GAS2: variants seen among roughly 807,000 people sequenced by gnomAD.
GAS2 encodes the protein growth arrest specific 2, also known as growth arrest-specific protein 2.
Under a neutral mutation model 37.5 loss-of-function variants are expected in GAS2, and 20 were observed. The ratio of observed to expected loss-of-function variants is 0.53; its 90% CI spans 0.37 to 0.77. GAS2 has a LOEUF of 0.77. Among genes scored for constraint, GAS2 ranks in the 30% least tolerant of loss-of-function variants. The pLI is 0.00. For missense variants in GAS2, 336 were observed against 373.4 expected, an observed-to-expected ratio of 0.90 and a Z score of 0.82; for synonymous variants, 144 against 132.2, an observed-to-expected ratio of 1.09 and a Z score of -0.61.
At chr11:22,666,322 G>A (rs1590589405), upstream of GAS2, among the ~76,000 whole-genome samples, 1 of 152,328 alleles carries the variant, frequency 6.6e-6, no homozygotes, top group East Asian at 1.9e-4. Context: ...GAAGTTACTG[G>A]AAAGCTCGTG....
intron 1 of GAS2, among the ~76,000 whole-genome samples, chr11:22,653,186 G>A (rs545571689): frequency 6.7e-6 from 1 of 149,230 alleles, no homozygotes; most frequent in South Asian, 2.1e-4. Flanking sequence ...ACACTCATTT[G>A]CTTCTATATA....
intron 4 of GAS2, among the ~76,000 whole-genome samples, chr11:22,729,408 G>T (rs1029584238): frequency 6.6e-6 from 1 of 151,890 alleles, no homozygotes; most frequent in African/African-American, 2.4e-5. Context: ...ATGAACTGGG[G>T]AGAAGGGAGA....
chr11:22,680,391 A>G (rs1849621986), intron 2 of GAS2, among the ~76,000 whole-genome samples: 1 of 152,138 alleles, frequency 6.6e-6, no homozygotes, highest in South Asian at 2.1e-4. Flanking sequence ...GGGATTTTGC[A>G]TATAATGAAC....
chr11:22,718,839 T>C (rs962400382), intron 3 of GAS2, among the ~76,000 whole-genome samples: 1 of 151,848 alleles, frequency 6.6e-6, no homozygotes, highest in Non-Finnish European at 1.5e-5. Flanking sequence ...AAACGATTAG[T>C]TGGGAGAAAA....
intron 7 of GAS2, among the ~76,000 whole-genome samples, chr11:22,796,906 C>T (rs1856452691): frequency 6.6e-6 from 1 of 152,098 alleles, no homozygotes. Context: ...CCCAGCTTCC[C>T]TTCCTAAATA....
chr11:22,652,793 G>A lies in GAS2; in HGVS notation c.-20-22057G>A, dbSNP rs184875399. On this transcript the variant is annotated intron_variant, in intron 1 of 5. Coordinates refer to the GAS2 transcript ENST00000528582. ...CCCTGCTTCGGCTCGCACACGGTGC[G>A]CGCACCCACTGACCTGCACCCACTG... Among the ~76,000 whole-genome samples, 468 of 152,250 alleles carry A rather than the reference G, an allele frequency of 3.1e-3. 4 individuals carry two copies. The highest frequency in any genetic ancestry group is 0.011 in the African/African-American group (444 of 41,550).
chr11:22,754,179 A>T (rs552942353), intron 6 of GAS2, among the ~76,000 whole-genome samples: 31 of 152,174 alleles, frequency 2.0e-4, no homozygotes, highest in African/African-American at 7.2e-4. Flanking sequence ...CTTTGAATCC[A>T]TGATTATTTT....
intron 3 of GAS2, among the ~76,000 whole-genome samples, chr11:22,711,669 T>G (rs1851412920): frequency 6.6e-6 from 1 of 152,170 alleles, no homozygotes; most frequent in African/African-American, 2.4e-5. Context: ...TCTGGAAGCA[T>G]GGTGGGAGTG....
chr11:22,683,715 A>C lies in GAS2; in HGVS notation c.146-1953A>C, dbSNP rs563385486. On this transcript the variant is annotated intron_variant, in intron 2 of 7. Transcript: ENST00000454584. ...AACTGTGTTTCACAAAAATAATATTAATGTTTTCTCAAAGTTTTCTAGCAG... is the reference window on the plus strand; with the variant it reads ...AACTGTGTTTCACAAAAATAATATTCATGTTTTCTCAAAGTTTTCTAGCAG... Among the ~76,000 whole-genome samples, 4 of 151,444 alleles carry C rather than the reference A, an allele frequency of 2.6e-5. No individual in the cohort carries two copies. The East Asian group carries it at 5.8e-4, about 22-fold the overall frequency.
At chr11:22,718,849 AG>A (rs1406182676) in intron 3 of GAS2, among the ~76,000 whole-genome samples, 1 of 147,530 alleles carries the variant, frequency 6.8e-6, no homozygotes, top group Non-Finnish European at 1.5e-5. Flanking sequence ...TTGGGAGAAA[AG>A]AAGCTGTTCG....
chr11:22,732,778 TCATCA>T (rs1852544554), intron 4 of GAS2, among the ~76,000 whole-genome samples: 3 of 105,696 alleles, frequency 2.8e-5, no homozygotes, highest in African/African-American at 9.7e-5. Context: ...TTTATCATCA[TCATCA>T]TCATCATCAT....
chr11:22,648,344 A>T (rs1204428995), intron 1 of GAS2, among the ~76,000 whole-genome samples: 2 of 152,150 alleles, frequency 1.3e-5, no homozygotes, highest in Non-Finnish European at 2.9e-5. Flanking sequence ...GTATAGTTTG[A>T]AGTCAGGTAG....
At chr11:22,668,776 G>A (rs401357) in intron 1 of GAS2, among the ~76,000 whole-genome samples, 146,766 of 152,254 alleles carry the variant, frequency 0.96, 70,962 homozygotes, top group East Asian at 1. Flanking sequence ...CCTTGGTTGA[G>A]AAGGCATGAT....
At chr11:22,773,914 T>C (rs1022831715) in intron 7 of GAS2, among the ~76,000 whole-genome samples, 1 of 152,210 alleles carries the variant, frequency 6.6e-6, no homozygotes, top group South Asian at 2.1e-4. Context: ...CATCGATATA[T>C]GTAATGTGCT....
chr11:22,762,571 TTATAA>T (rs1206453442), intron 7 of GAS2, among the ~76,000 whole-genome samples: 1 of 152,156 alleles, frequency 6.6e-6, no homozygotes, highest in African/African-American at 2.4e-5. Flanking sequence ...TCCATACCTT[TTATAA>T]TATATTTCAT....
intron 3 of GAS2, among the ~76,000 whole-genome samples, chr11:22,690,564 T>C (rs1207946621): frequency 6.6e-6 from 1 of 152,202 alleles, no homozygotes; most frequent in East Asian, 1.9e-4. Flanking sequence ...TTTTATTTAA[T>C]TCATTTATAC....
chr11:22,760,533 A>G (rs1464251363), intron 7 of GAS2, among the ~76,000 whole-genome samples: 1 of 152,202 alleles, frequency 6.6e-6, no homozygotes, highest in Non-Finnish European at 1.5e-5. Context: ...AATCATTTGC[A>G]TGTCTGATCA....
At chr11:22,656,077 T>TGAACAA (rs1848851182) in intron 1 of GAS2, among the ~76,000 whole-genome samples, 1 of 152,232 alleles carries the variant, frequency 6.6e-6, no homozygotes, top group Non-Finnish European at 1.5e-5. Context: ...AATTTATTCA[T>TGAACAA]GAACAAAGGA....
intron 1 of GAS2, among the ~76,000 whole-genome samples, chr11:22,649,769 T>C (rs1421906125): frequency 6.6e-6 from 1 of 151,974 alleles, no homozygotes; most frequent in Non-Finnish European, 1.5e-5. Context: ...TGATATCCCC[T>C]TTATCATTTT....
Sources: gnomAD v4.1 joint callset for allele counts (sites outside exome capture counted in the v4.1 genomes callset) on GRCh38, gnomAD v4.1.1 for gene constraint, MANE v1.5 for transcripts, NCBI Gene and HGNC (gene_info 2026-07-23, HGNC 2026-07-21) for gene names.